ITGA8: variants seen among roughly 807,000 people sequenced by gnomAD.
The protein encoded by ITGA8 is integrin subunit alpha 8, also known as integrin alpha-8.
In ITGA8, 91 loss-of-function variants were observed where a neutral mutation model predicts 142.3. The ratio of observed to expected loss-of-function variants is 0.64; its 90% CI spans 0.54 to 0.76. ITGA8 has a LOEUF of 0.76. Among genes scored for constraint, ITGA8 ranks in the 30% least tolerant of loss-of-function variants. The probability of loss-of-function intolerance (pLI) is 0.00; values close to 1 mark genes in which losing one functional copy is unlikely to be tolerated. For synonymous variants in ITGA8, 505 were observed against 485.2 expected, an observed-to-expected ratio of 1.04 and a Z score of -0.54; for missense variants, 1,406 against 1,327.7, an observed-to-expected ratio of 1.06 and a Z score of -0.92.
chr10:15,709,824 C>T (rs1341099), intron 2 of ITGA8, among the ~76,000 whole-genome samples: 24,007 of 152,130 alleles, frequency 0.16, 1,968 homozygotes, highest in Middle Eastern at 0.24. Flanking sequence ...ACAGGTGAGA[C>T]TTACACTGTA....
At chr10:15,671,502 T>C (rs775148024) in intron 8 of ITGA8, 101 bp downstream of exon 8, 11 of 924,836 alleles carry the variant, frequency 1.2e-5, no homozygotes, top group Non-Finnish European at 1.8e-5. Context: ...AATATCCCTT[T>C]GGTATAGCAA....
At chr10:15,671,353 C>T (rs1372101267) in intron 8 of ITGA8, among the ~76,000 whole-genome samples, 1 of 152,162 alleles carries the variant, frequency 6.6e-6, no homozygotes, top group Non-Finnish European at 1.5e-5. Context: ...TCATTCATAA[C>T]ATGGGATTAT....
chr10:15,626,938 G>A (rs1339898659), intron 13 of ITGA8, among the ~76,000 whole-genome samples: 3 of 152,154 alleles, frequency 2.0e-5, no homozygotes, highest in Admixed American at 6.5e-5. Context: ...GCAGCCTTGC[G>A]ATTGACGGAG....
At position 15,696,349 on chromosome 10, in the gene ITGA8, G is replaced by A. The variant is rs181833865; in HGVS notation, c.344-8311C>T. On this transcript the variant is annotated intron_variant, in intron 2 of 29. Coordinates refer to ENST00000378076, the MANE Select transcript of ITGA8 (RefSeq NM_003638.3). Reference sequence around the variant, plus strand: ...AAGGTGATTAACAAAACTAATAAACGAAAACCAAAGTGAAAATTTTTCAAG... The same window carrying A: ...AAGGTGATTAACAAAACTAATAAACAAAAACCAAAGTGAAAATTTTTCAAG... Among the ~76,000 whole-genome samples the A allele has an allele frequency of 5.7e-4, 86 of 152,176 alleles. 1 individual carries two copies. Among genetic ancestry groups the A allele is most frequent in the Admixed American group, 7.2e-4 (11 of 15,274 alleles).
intron 20 of ITGA8, among the ~76,000 whole-genome samples, chr10:15,602,663 A>G (rs1471391860): frequency 2.0e-5 from 3 of 152,008 alleles, no homozygotes; most frequent in Admixed American, 6.6e-5. Flanking sequence ...GCTTGAGCCC[A>G]GGAATCGGAG....
intron 26 of ITGA8, among the ~76,000 whole-genome samples, chr10:15,550,533 G>C (rs1402051790): frequency 1.3e-5 from 2 of 152,180 alleles, no homozygotes; most frequent in Non-Finnish European, 2.9e-5. Flanking sequence ...GGATTCTGGA[G>C]AAGACAATGT....
At chr10:15,572,407 A>T in intron 24 of ITGA8, 38 bp from the exon 25 acceptor site, 1 of 1,597,352 alleles carries the variant, frequency 6.3e-7, no homozygotes, top group Non-Finnish European at 8.6e-7. Flanking sequence ...GACCCAGCAG[A>T]AGGCAGAGAG....
intron 4 of ITGA8, among the ~76,000 whole-genome samples, chr10:15,680,145 G>A (rs931347371): frequency 4.0e-5 from 6 of 151,004 alleles, no homozygotes; most frequent in Non-Finnish European, 8.8e-5. Flanking sequence ...AATGTCTTCC[G>A]GTTTTTTCTT....
At chr10:15,585,122 T>C (rs962655922) in intron 23 of ITGA8, among the ~76,000 whole-genome samples, 1 of 152,190 alleles carries the variant, frequency 6.6e-6, no homozygotes, top group African/African-American at 2.4e-5. Flanking sequence ...GCACGTGCAC[T>C]AAAATGAATC....
chr10:15,616,446 A>G, intron 14 of ITGA8, 68 bp downstream of exon 14: 2 of 1,172,092 alleles, frequency 1.7e-6, no homozygotes, highest in South Asian at 2.4e-5. Context: ...GCTCTCTTTA[A>G]GGCAGAACTA....
intron 27 of ITGA8, among the ~76,000 whole-genome samples, chr10:15,547,290 G>A (rs971053901): frequency 6.6e-5 from 10 of 152,108 alleles, no homozygotes; most frequent in Non-Finnish European, 1.0e-4. Context: ...GCCCATAGTC[G>A]GCCAGGAGCA....
At chr10:15,637,340 G>A (rs776294094) in intron 13 of ITGA8, among the ~76,000 whole-genome samples, 2 of 151,924 alleles carry the variant, frequency 1.3e-5, no homozygotes, top group African/African-American at 2.4e-5. Context: ...GAAAGTGCAG[G>A]CACACACAAC....
chr10:15,595,982 C>T (rs1305222767), intron 21 of ITGA8, among the ~76,000 whole-genome samples: 2 of 152,180 alleles, frequency 1.3e-5, no homozygotes, highest in Non-Finnish European at 1.5e-5. Flanking sequence ...ACCCGGGAGG[C>T]AGAGGTTGCG....
chr10:15,559,723 C>G (rs143919054), intron 25 of ITGA8, among the ~76,000 whole-genome samples: 21 of 149,180 alleles, frequency 1.4e-4, no homozygotes, highest in African/African-American at 4.4e-4. Context: ...AACATAGGAA[C>G]AGAAAAACCA....
Position 15,597,188 on chromosome 10 carries a change from AT to A in ITGA8, c.2211+18del. 1 of 1,583,170 alleles carries A rather than the reference AT, an allele frequency of 6.3e-7. No individual in the cohort carries two copies. The highest frequency in any genetic ancestry group is 1.1e-5 in the South Asian group (1 of 90,464). On this transcript the variant is annotated intron_variant, in intron 21 of 29. Coordinates refer to ENST00000378076, the MANE Select transcript of ITGA8 (RefSeq NM_003638.3). ...TCCAGTTAGAAGGAAATCAGTCAGTATTTCTGGTTCTCTCTTACATTTGTTC... is the reference window on the plus strand; with the variant it reads ...TCCAGTTAGAAGGAAATCAGTCAGTATTCTGGTTCTCTCTTACATTTGTTC...
At chr10:15,592,124 G>T (rs1313972420) in intron 22 of ITGA8, 101 bp downstream of exon 22, 15 of 699,900 alleles carry the variant, frequency 2.1e-5, no homozygotes, top group Non-Finnish European at 3.6e-5. Context: ...CTAATTTCAG[G>T]TGAGCTTTTA....
At chr10:15,586,793 G>A in intron 22 of ITGA8, 129 bp from the exon 23 acceptor site, 1 of 562,458 alleles carries the variant, frequency 1.8e-6, no homozygotes, top group South Asian at 2.7e-5. Flanking sequence ...GGATACAAGT[G>A]TATTCATTCT....
intron 20 of ITGA8, among the ~76,000 whole-genome samples, chr10:15,603,790 A>G (rs1564370339): frequency 6.6e-6 from 1 of 152,116 alleles, no homozygotes; most frequent in Non-Finnish European, 1.5e-5. Context: ...CTCATCAGGG[A>G]TTGGCTGGAC....
rs1403550714 is a variant in ITGA8, at chr10:15,645,705, T to C, written c.1207+1141A>G. On this transcript the variant is annotated intron_variant, in intron 12 of 29. Transcript: ENST00000378076. Reference sequence around the variant, plus strand: ...AGGCTACTTTGTTACAGCAAGTTCCTGTTACTTCCTTGAGTTCAATCAAGA... The same window carrying C: ...AGGCTACTTTGTTACAGCAAGTTCCCGTTACTTCCTTGAGTTCAATCAAGA... Among the ~76,000 whole-genome samples the C allele has an allele frequency of 2.6e-5, 4 of 152,366 alleles. No homozygotes were observed. In the East Asian group the frequency reaches 7.7e-4, roughly 29 times the overall value.
Sources: gnomAD v4.1 joint callset for allele counts (sites outside exome capture counted in the v4.1 genomes callset) on GRCh38, gnomAD v4.1.1 for gene constraint, MANE v1.5 for transcripts, NCBI Gene and HGNC (gene_info 2026-07-23, HGNC 2026-07-21) for gene names.